PEDS1: variants seen among roughly 807,000 people sequenced by gnomAD.
The protein encoded by PEDS1 is CarF homolog.
In PEDS1, 14 loss-of-function variants were observed where a neutral mutation model predicts 35.2. That is an observed-to-expected ratio of 0.40 (90% confidence interval 0.26 to 0.62). The LOEUF (loss-of-function observed/expected upper bound fraction) is 0.62, where lower values mean the gene tolerates loss of function less well. Ranked by LOEUF, PEDS1 falls within the 20% of genes least tolerant of loss-of-function variation. PEDS1 has a pLI of 0.44. For synonymous variants in PEDS1, 152 were observed against 152.0 expected (o/e 1.00, Z 0.00); for missense variants, 260 against 367.8 (o/e 0.71, Z 2.40).
At chr20:50,143,711 T>C in intron 1 of PEDS1, 90 bp from the exon 2 acceptor site, 1 of 1,522,150 alleles carries the variant, frequency 6.6e-7, no homozygotes. Context: ...CTTTTTTTTT[T>C]TTCTGAGACA....
At chr20:50,145,928 C>G (rs1163857561) in intron 1 of PEDS1, among the ~76,000 whole-genome samples, 1 of 152,154 alleles carries the variant, frequency 6.6e-6, no homozygotes, top group Non-Finnish European at 1.5e-5. Context: ...TAGCCCAAAG[C>G]CACCCAACTA....
At chr20:50,150,097 TG>T (rs372624149) in intron 1 of PEDS1, among the ~76,000 whole-genome samples, 65 of 152,130 alleles carry the variant, frequency 4.3e-4, no homozygotes, top group African/African-American at 1.5e-3. Context: ...AGAGCATGCC[TG>T]GGGTGGGGGT....
intron 2 of PEDS1, among the ~76,000 whole-genome samples, chr20:50,135,592 A>G (rs1347597836): frequency 7.6e-6 from 1 of 130,990 alleles, no homozygotes; most frequent in Non-Finnish European, 1.6e-5. Flanking sequence ...CAGAAGGTAG[A>G]GGTTGCGGTG....
Position 50,123,042 on chromosome 20 carries a change from C to T in PEDS1, c.*2016G>A, listed in dbSNP as rs957318226. 2 of 152,092 alleles carry T rather than the reference C, an allele frequency of 1.3e-5. No homozygotes were observed. The highest frequency in any genetic ancestry group is 4.8e-5 in the African/African-American group (2 of 41,406). 9.4% of individuals were successfully genotyped at this position (152,092 alleles called of 1,614,324 possible). Reference sequence around the variant, plus strand: ...TTCAAGGTTGCTGTGAGCTATTACACCTCACCTCTGCACTTTAGCCTGGGT... The same window carrying T: ...TTCAAGGTTGCTGTGAGCTATTACATCTCACCTCTGCACTTTAGCCTGGGT... On this transcript the variant is annotated 3_prime_UTR_variant, in exon 6 of 6. Transcript: ENST00000371652.
rs767813171 is a variant in PEDS1, at chr20:50,125,100, C to A, written c.771G>T (p.Lys257Asn). Residue 257 changes from lysine to asparagine, a missense_variant, in exon 6 of 6, where the codon AAG becomes AAT. Coordinates refer to ENST00000371652, the MANE Select transcript of PEDS1 (RefSeq NM_199129.4). ...CCCATTTCATGTCATCTGCCCGAGG[C>A]TTCTCGCCCGTCAGGCCCTGGATGA... ...EDLIQGLTGEKPRADDMKWAQ... is the reference protein window; with the variant it reads ...EDLIQGLTGENPRADDMKWAQ... 6.2e-7 allele frequency: 1 copy of A among 1,614,198 alleles called. No homozygotes were observed. Among genetic ancestry groups the A allele is most frequent in the Admixed American group, 1.7e-5 (1 of 60,028 alleles).
In PEDS1 at chr20:50,146,358, T is replaced by C. The variant is rs369615153; in HGVS notation, c.122-2737A>G. Among the ~76,000 whole-genome samples the C allele has an allele frequency of 1.1e-4, 17 of 152,278 alleles. 1 individual carries two copies. The highest frequency in any genetic ancestry group is 4.1e-4 in the African/African-American group (17 of 41,558). ...CCTGTGGCCTTGTCTACGTTTGTCTTTCCCTACCTAAATGTGAAGTCGGGA... is the reference window on the plus strand; with the variant it reads ...CCTGTGGCCTTGTCTACGTTTGTCTCTCCCTACCTAAATGTGAAGTCGGGA... On this transcript the variant is annotated intron_variant, in intron 1 of 5. Coordinates refer to ENST00000371652, the MANE Select transcript of PEDS1 (RefSeq NM_199129.4).
chr20:50,142,183 G>A (rs1338592155), intron 2 of PEDS1, among the ~76,000 whole-genome samples: 1 of 152,170 alleles, frequency 6.6e-6, no homozygotes, highest in Non-Finnish European at 1.5e-5. Context: ...AGAAGTGACC[G>A]ATGGAAAACA....
intron 2 of PEDS1, among the ~76,000 whole-genome samples, chr20:50,141,825 C>T (rs1165772362): frequency 2.0e-5 from 3 of 152,172 alleles, no homozygotes; most frequent in Non-Finnish European, 2.9e-5. Context: ...GTCCGGCCCC[C>T]GTCCCCAGCA....
rs960328691 is a variant in PEDS1, at chr20:50,131,270, C to T, written c.242-323G>A. 2.1e-5 allele frequency: 13 copies of T among 609,790 alleles called. No homozygotes were observed. The Admixed American group carries it at 3.7e-4, about 17-fold the overall frequency. 37.8% of individuals were successfully genotyped at this position (609,790 alleles called of 1,614,324 possible). A position where few individuals can be genotyped will look rare whatever the true frequency, so the allele number is the denominator to read the frequency against. On this transcript the variant is annotated intron_variant, in intron 2 of 5. Coordinates refer to ENST00000371652, the MANE Select transcript of PEDS1 (RefSeq NM_199129.4). The stretch of plus-strand genomic sequence containing the variant: ...CTCTGCCCCATATAAGGAAAGCCTG[C>T]TCTGCACCAGTGCTGCCTGGAACTG...
intron 3 of PEDS1, 139 bp downstream of exon 3, chr20:50,130,717 G>C: frequency 9.1e-7 from 1 of 1,096,290 alleles, no homozygotes; most frequent in Non-Finnish European, 1.3e-6. Context: ...TAGTCTTGCA[G>C]CACAGGGGTG....
intron 5 of PEDS1, among the ~76,000 whole-genome samples, chr20:50,127,638 G>A (rs1211373669): frequency 1.3e-5 from 2 of 152,162 alleles, no homozygotes; most frequent in Non-Finnish European, 2.9e-5. Flanking sequence ...GAGCCACTGC[G>A]CCCAGCTGAT....
In PEDS1 at chr20:50,143,488, C is replaced by T. The variant is rs6020290; in HGVS notation, c.241+14G>A. 2.4e-5 allele frequency: 38 copies of T among 1,596,492 alleles called. No individual in the cohort carries two copies. The African/African-American group carries it at 4.1e-4, about 17-fold the overall frequency. On this transcript the variant is annotated intron_variant, in intron 2 of 5. Coordinates refer to ENST00000371652, the MANE Select transcript of PEDS1 (RefSeq NM_199129.4). ...AGGGAAGTTGAGGCAGGCAGCAGTG[C>T]CTCGGGCACTCACCAACACCGAGTA...
At chr20:50,135,615 G>C (rs1374889499) in intron 2 of PEDS1, among the ~76,000 whole-genome samples, 2 of 126,938 alleles carry the variant, frequency 1.6e-5, no homozygotes, top group Non-Finnish European at 3.1e-5. Flanking sequence ...CTGAGATCAC[G>C]CCATTGCACT....
chr20:50,125,080 T>C lies in PEDS1; in HGVS notation c.791A>G (p.Lys264Arg), dbSNP rs1231869663. The C allele has an allele frequency of 2.5e-6, 4 of 1,614,090 alleles. No homozygotes were observed. The highest frequency in any genetic ancestry group is 1.3e-5 in the African/African-American group (1 of 75,042). The change falls in exon 6 of 6, where the codon AAA (lysine) becomes AGA (arginine). Residue 264 changes from lysine (K) to arginine (R), a missense_variant. Lys to Arg is a conservative substitution (Grantham distance 26, BLOSUM62 2). Transcript: ENST00000371652. ...AAGTTATTTGATCTTCTGGGCCCAT[T>C]TCATGTCATCTGCCCGAGGCTTCTC... is the stretch of plus-strand genomic sequence containing the variant. ...TGEKPRADDM[K>R]WAQKIK
Position 50,129,503 on chromosome 20 carries a change from C to T in PEDS1, c.478+43G>A, listed in dbSNP as rs2081150528. ...AAGGCTCCTGGGGGTCGGCCTCTGCCCCCAAGGCCCCCTCCCAGCCCACCA... is the reference window on the plus strand; with the variant it reads ...AAGGCTCCTGGGGGTCGGCCTCTGCTCCCAAGGCCCCCTCCCAGCCCACCA... On this transcript the variant is annotated intron_variant, in intron 4 of 5. Transcript: ENST00000371652. This position sits in a 1 kb window ranked among gnomAD's most constrained non-coding sequence, Gnocchi z 4.2. 9.3e-6 allele frequency: 15 copies of T among 1,612,054 alleles called. No individual in the cohort carries two copies. Among genetic ancestry groups the T allele is most frequent in the Non-Finnish European group, 1.3e-5 (15 of 1,178,760 alleles).
intron 1 of PEDS1, chr20:50,151,202 C>T: frequency 7.7e-7 from 1 of 1,297,894 alleles, no homozygotes; most frequent in Non-Finnish European, 1.0e-6. Flanking sequence ...TGGCAAGTCT[C>T]CTCCCCTACC....
chr20:50,133,482 G>A (rs2081200497), intron 2 of PEDS1, among the ~76,000 whole-genome samples: 1 of 152,190 alleles, frequency 6.6e-6, no homozygotes, highest in Admixed American at 6.5e-5. Flanking sequence ...CAAGGCCCCA[G>A]AGCCTGTGCA....
Position 50,143,694 on chromosome 20 carries a change from T to C in PEDS1, c.122-73A>G, listed in dbSNP as rs577930877. On this transcript the variant is annotated intron_variant, in intron 1 of 5. Coordinates refer to ENST00000371652, the MANE Select transcript of PEDS1 (RefSeq NM_199129.4). ...GCAGAGTGTGGCCCCATGGGAACTT[T>C]TCTTTTCTTTTTTTTTTTTCTGAGA... 3.9e-6 allele frequency: 6 copies of C among 1,548,154 alleles called. No individual in the cohort carries two copies. The Admixed American group carries it at 1.0e-4, about 27-fold the overall frequency.
chr20:50,118,453 G>A lies in PEDS1; in HGVS notation c.*6605C>T, dbSNP rs920602812. On this transcript the variant is annotated 3_prime_UTR_variant, in exon 6 of 6. Transcript: ENST00000371652. The stretch of plus-strand genomic sequence containing the variant: ...CACAAGCTTGTAAGTGGCAGAACTG[G>A]GATTTGAACCCTACACTCTTAACCA... The A allele has an allele frequency of 6.6e-6, 1 of 151,934 alleles. No homozygotes were observed. Among genetic ancestry groups the A allele is most frequent in the African/African-American group, 2.4e-5 (1 of 41,334 alleles). The allele number at this position is 151,934 out of a possible 1,614,324, so 9.4% of individuals were successfully genotyped here. A position where few individuals can be genotyped will look rare whatever the true frequency, so the allele number is the denominator to read the frequency against.
Sources: allele counts gnomAD v4.1 joint callset (sites outside exome capture counted in the v4.1 genomes callset), GRCh38; gene constraint gnomAD v4.1.1; non-coding constraint Gnocchi (gnomAD v3.1); transcripts MANE v1.5; gene names NCBI Gene and HGNC (gene_info 2026-07-23, HGNC 2026-07-21).